The following ATP10D variants were observed in gnomAD, a reference collection of about 807,000 sequenced individuals.
ATP10D encodes ATPase phospholipid transporting 10D (putative).
ATP10D carries 89 observed loss-of-function variants against 144.8 expected under a neutral mutation model. The observed-to-expected ratio is 0.61, with a 90% confidence interval of 0.52 to 0.73. ATP10D has a LOEUF of 0.73. Among genes scored for constraint, ATP10D ranks in the 30% least tolerant of loss-of-function variants. The pLI, the probability that ATP10D is intolerant of heterozygous loss-of-function variation, is 0.00. For synonymous variants in ATP10D, 571 were observed against 615.1 expected, an observed-to-expected ratio of 0.93 and a Z score of 1.06; for missense variants, 1,603 against 1,714.8, an observed-to-expected ratio of 0.93 and a Z score of 1.15.
At chr4:47,586,850 C>CA (rs1255784262) in intron 21 of ATP10D, among the ~76,000 whole-genome samples, 169 bp from the exon 22 acceptor site, 4 of 152,144 alleles carry the variant, frequency 2.6e-5, no homozygotes, top group African/African-American at 9.7e-5. Context: ...AATTCATTCA[C>CA]AAAAAATACT....
At chr4:47,550,956 C>T (rs1718702147) in intron 10 of ATP10D, among the ~76,000 whole-genome samples, 1 of 152,354 alleles carries the variant, frequency 6.6e-6, no homozygotes, top group East Asian at 1.9e-4. Context: ...AATAGAGCTC[C>T]CATACAAAGG....
intron 13 of ATP10D, chr4:47,560,161 T>A (rs536102632): frequency 6.6e-6 from 1 of 152,220 alleles, no homozygotes; most frequent in Non-Finnish European, 1.5e-5. Flanking sequence ...TCGAATGACC[T>A]GTGGCCAAGA....
At chr4:47,502,377 G>A (rs1715738376) in intron 1 of ATP10D, among the ~76,000 whole-genome samples, 2 of 152,082 alleles carry the variant, frequency 1.3e-5, no homozygotes, top group South Asian at 4.1e-4. Flanking sequence ...GGCTGAGGCA[G>A]GAGAATGGCG....
intron 13 of ATP10D, among the ~76,000 whole-genome samples, chr4:47,559,323 T>C (rs1239929392): frequency 6.6e-6 from 1 of 152,220 alleles, no homozygotes; most frequent in African/African-American, 2.4e-5. Flanking sequence ...CTCTGGATCT[T>C]ACTTTCTTTC....
At chr4:47,486,963 G>A (rs1407223022) in intron 1 of ATP10D, among the ~76,000 whole-genome samples, 4 of 152,172 alleles carry the variant, frequency 2.6e-5, no homozygotes, top group Non-Finnish European at 4.4e-5. Flanking sequence ...GGGCGCAGTG[G>A]CTCATGCCTG....
intron 5 of ATP10D, among the ~76,000 whole-genome samples, chr4:47,531,431 A>G (rs952890991): frequency 6.6e-6 from 1 of 152,210 alleles, no homozygotes; most frequent in African/African-American, 2.4e-5. Flanking sequence ...GCCCAAGACT[A>G]CAGTGTATTT....
intron 1 of ATP10D, chr4:47,491,056 T>G (rs1452380702): frequency 1.4e-6 from 1 of 724,698 alleles, no homozygotes; most frequent in African/African-American, 1.7e-5. Flanking sequence ...AAAGTGTGCT[T>G]CTCTGGGTGG....
At chr4:47,518,015 A>G (rs752930656) in intron 3 of ATP10D, among the ~76,000 whole-genome samples, 4 of 152,168 alleles carry the variant, frequency 2.6e-5, no homozygotes, top group Non-Finnish European at 5.9e-5. Flanking sequence ...TTTCCCCCAG[A>G]TCATTTCTGG....
chr4:47,571,386 T>C (rs1307495738), intron 16 of ATP10D, among the ~76,000 whole-genome samples: 1 of 151,044 alleles, frequency 6.6e-6, no homozygotes, highest in East Asian at 1.9e-4. Context: ...TATTAATTAA[T>C]TGGAGTCATA....
intron 5 of ATP10D, among the ~76,000 whole-genome samples, chr4:47,534,362 G>A (rs908897915): frequency 1.3e-5 from 2 of 152,058 alleles, no homozygotes; most frequent in East Asian, 1.9e-4. Flanking sequence ...GTCTCTCCCT[G>A]GAAAATAGCA....
In ATP10D at chr4:47,576,794, T is replaced by C. The variant is rs780175920; in HGVS notation, c.3388T>C (p.Trp1130Arg). The stretch of plus-strand genomic sequence containing the variant: ...CTAGGCCTATGTGAACCTCCTTTTC[T>C]GGTACCAGTTCTTTTGTGGATTTTC... ...KNVAYVNLLF[W>R]YQFFCGFSGT... The change falls in exon 19 of 23, where the codon TGG (tryptophan) becomes CGG (arginine). Residue 1130 changes from tryptophan (W) to arginine (R), a missense_variant. By Grantham distance (101) the Trp-to-Arg change is moderately radical. Coordinates refer to ENST00000273859, the MANE Select transcript of ATP10D (RefSeq NM_020453.4). The C allele has an allele frequency of 2.5e-6, 4 of 1,614,174 alleles. No homozygotes were observed. The highest frequency in any genetic ancestry group is 3.4e-6 in the Non-Finnish European group (4 of 1,180,000).
chr4:47,538,563 A>T (rs9994505), intron 9 of ATP10D, among the ~76,000 whole-genome samples: 1 of 152,164 alleles, frequency 6.6e-6, no homozygotes, highest in Non-Finnish European at 1.5e-5. Context: ...AGTATCTCTA[A>T]GTCAGGACTC....
At chr4:47,555,886 T>C (rs879680379) in intron 11 of ATP10D, among the ~76,000 whole-genome samples, 1 of 151,998 alleles carries the variant, frequency 6.6e-6, no homozygotes, top group Non-Finnish European at 1.5e-5. Flanking sequence ...CCTGAGTTGC[T>C]GGGATTATAG....
intron 1 of ATP10D, among the ~76,000 whole-genome samples, chr4:47,504,663 C>T (rs759547580): frequency 2.8e-4 from 42 of 152,112 alleles, no homozygotes; most frequent in Non-Finnish European, 5.1e-4. Context: ...CCCGGGTTCA[C>T]GCCATTCTGC....
intron 21 of ATP10D, among the ~76,000 whole-genome samples, chr4:47,586,812 T>G (rs1720811327): frequency 6.6e-6 from 1 of 152,212 alleles, no homozygotes; most frequent in African/African-American, 2.4e-5. Context: ...TGATTTAATT[T>G]AGTTTTACAG....
intron 9 of ATP10D, among the ~76,000 whole-genome samples, chr4:47,542,253 C>T (rs111461207): frequency 1.0e-3 from 155 of 152,058 alleles, no homozygotes; most frequent in East Asian, 4.1e-3. Flanking sequence ...CATGCCACCA[C>T]GCATGGCTAA....
intron 15 of ATP10D, among the ~76,000 whole-genome samples, chr4:47,568,595 A>G (rs1472260065): frequency 6.6e-6 from 1 of 152,230 alleles, no homozygotes; most frequent in Non-Finnish European, 1.5e-5. Flanking sequence ...GCACACATGA[A>G]GAAATTTCAC....
At position 47,506,562 on chromosome 4, in the gene ATP10D, C is replaced by T. The variant is rs1391172133; in HGVS notation, c.-37-5942C>T. The stretch of plus-strand genomic sequence containing the variant: ...GCTTTACAGAAGCACTAGAGTATTC[C>T]AGAGTATTACATAAAAGTAATACAT... On this transcript the variant is annotated intron_variant, in intron 1 of 22. Coordinates refer to ENST00000273859, the MANE Select transcript of ATP10D (RefSeq NM_020453.4). Among the ~76,000 whole-genome samples, 3 of 152,076 alleles carry T rather than the reference C, an allele frequency of 2.0e-5. No individual in the cohort carries two copies. The East Asian group carries it at 5.8e-4, about 29-fold the overall frequency.
At chr4:47,548,110 G>A (rs1425339157) in intron 10 of ATP10D, among the ~76,000 whole-genome samples, 1 of 152,064 alleles carries the variant, frequency 6.6e-6, no homozygotes, top group Non-Finnish European at 1.5e-5. Flanking sequence ...CTGAAAGTAA[G>A]AACATGTTGG....
Sources: gnomAD v4.1 joint callset for allele counts (sites outside exome capture counted in the v4.1 genomes callset) on GRCh38, gnomAD v4.1.1 for gene constraint, MANE v1.5 for transcripts, NCBI Gene and HGNC (gene_info 2026-07-23, HGNC 2026-07-21) for gene names.